Variants in TBC1D5 observed in about 807,000 individuals in gnomAD.
The protein encoded by TBC1D5 is TBC1 domain family member 5.
TBC1D5 carries 75 observed loss-of-function variants against 100.3 expected under a neutral mutation model. The observed-to-expected ratio is 0.75, with a 90% CI of 0.62 to 0.91. The LOEUF (loss-of-function observed/expected upper bound fraction) is 0.91. TBC1D5 is among the 40% of genes least tolerant of loss of function. The pLI is 0.00. For missense variants in TBC1D5, 910 were observed against 942.4 expected (o/e 0.97, Z 0.45); for synonymous variants, 323 against 325.6 (o/e 0.99, Z 0.09).
At chr3:17,225,340 G>A (rs1441780008) in intron 17 of TBC1D5, among the ~76,000 whole-genome samples, 4 of 150,884 alleles carry the variant, frequency 2.7e-5, no homozygotes, top group African/African-American at 9.8e-5. Flanking sequence ...TCAGGAGGCT[G>A]AGGCACGAGA....
At chr3:17,182,461 A>C (rs781503542) in intron 19 of TBC1D5, among the ~76,000 whole-genome samples, 4 of 152,212 alleles carry the variant, frequency 2.6e-5, no homozygotes, top group Non-Finnish European at 5.9e-5. Flanking sequence ...TGAAAGACCA[A>C]AGTCAGAGCA....
At chr3:17,520,179 A>C (rs2096048032) in intron 2 of TBC1D5, among the ~76,000 whole-genome samples, 2 of 152,228 alleles carry the variant, frequency 1.3e-5, no homozygotes, top group South Asian at 4.1e-4. Context: ...TGATGAGGAA[A>C]CAGGCTTATA....
At chr3:17,200,403 A>G (rs1347884234) in intron 18 of TBC1D5, among the ~76,000 whole-genome samples, 2 of 152,270 alleles carry the variant, frequency 1.3e-5, no homozygotes, top group Non-Finnish European at 2.9e-5. Context: ...ACCTCCTGTC[A>G]GATCAGCAGC....
intron 17 of TBC1D5, among the ~76,000 whole-genome samples, chr3:17,228,334 T>A (rs1269661821): frequency 6.6e-6 from 1 of 152,172 alleles, no homozygotes; most frequent in African/African-American, 2.4e-5. Context: ...CTGTGTGTCC[T>A]AAATGATAAT....
chr3:17,211,421 T>C (rs988482466), intron 18 of TBC1D5, among the ~76,000 whole-genome samples: 2 of 152,250 alleles, frequency 1.3e-5, no homozygotes, highest in Non-Finnish European at 2.9e-5. Context: ...AGTAGGGTGG[T>C]TCACATTGGA....
chr3:17,158,942 T>TGACA (rs1197392134), exon 22 of TBC1D5: 1 of 149,396 alleles, frequency 6.7e-6, no homozygotes, highest in African/African-American at 2.6e-5. Flanking sequence ...CTGAAAACAC[T>TGACA]GACACCTTCC....
chr3:17,733,843 AT>A (rs2076755632), intron 1 of TBC1D5, among the ~76,000 whole-genome samples: 1 of 151,486 alleles, frequency 6.6e-6, no homozygotes, highest in Non-Finnish European at 1.5e-5. Context: ...CTGAAAAGCC[AT>A]TATAATAAAT....
chr3:17,434,831 A>G (rs971136771), intron 3 of TBC1D5, among the ~76,000 whole-genome samples: 3 of 152,090 alleles, frequency 2.0e-5, no homozygotes, highest in Non-Finnish European at 4.4e-5. Flanking sequence ...TCCCCCTACT[A>G]CATTGTCATC....
exon 17 of TBC1D5, chr3:17,238,405 C>G: frequency 6.2e-7 from 1 of 1,612,350 alleles, no homozygotes. Flanking sequence ...CAGGGGAGCA[C>G]CTTTGGCATT....
chr3:17,352,470 TTACTC>T (rs987011190), intron 13 of TBC1D5, among the ~76,000 whole-genome samples: 21 of 152,002 alleles, frequency 1.4e-4, no homozygotes, highest in African/African-American at 4.6e-4. Context: ...AAAATGTTCT[TTACTC>T]TATCCCACAC....
chr3:17,339,109 T>C (rs779263419), intron 13 of TBC1D5, among the ~76,000 whole-genome samples: 5 of 152,218 alleles, frequency 3.3e-5, no homozygotes, highest in Admixed American at 1.3e-4. Flanking sequence ...AGTGCAATTG[T>C]GGTTGTCTGA....
At chr3:17,336,643 C>A (rs2087862285) in intron 13 of TBC1D5, among the ~76,000 whole-genome samples, 1 of 151,782 alleles carries the variant, frequency 6.6e-6, no homozygotes, top group Non-Finnish European at 1.5e-5. Flanking sequence ...CCCCAGCAAC[C>A]TGGAATTAAA....
At chr3:17,383,674 G>C (rs1283175915) in intron 9 of TBC1D5, among the ~76,000 whole-genome samples, 4 of 151,974 alleles carry the variant, frequency 2.6e-5, no homozygotes, top group African/African-American at 9.7e-5. Context: ...GAAGTTGAAA[G>C]AAAAGATTGA....
At chr3:17,307,809 T>C (rs945841209) in intron 14 of TBC1D5, among the ~76,000 whole-genome samples, 183 bp downstream of exon 14, 1 of 152,332 alleles carries the variant, frequency 6.6e-6, no homozygotes, top group African/African-American at 2.4e-5. Flanking sequence ...TCCCAATGTG[T>C]ACACAGTTAA....
intron 3 of TBC1D5, among the ~76,000 whole-genome samples, chr3:17,494,358 A>G (rs1012905556): frequency 2.6e-5 from 4 of 151,924 alleles, no homozygotes; most frequent in Non-Finnish European, 5.9e-5. Flanking sequence ...GTGTCTGGTG[A>G]CTCCTGTTGG....
At chr3:17,312,171 C>T (rs2084106290) in intron 13 of TBC1D5, among the ~76,000 whole-genome samples, 1 of 152,006 alleles carries the variant, frequency 6.6e-6, no homozygotes, top group Admixed American at 6.6e-5. Flanking sequence ...CAAGTAAACA[C>T]TGAATTCATT....
intron 9 of TBC1D5, among the ~76,000 whole-genome samples, chr3:17,383,491 T>C (rs1473879559): frequency 1.3e-5 from 2 of 152,000 alleles, no homozygotes; most frequent in Non-Finnish European, 2.9e-5. Context: ...TAAAGAAACT[T>C]TCTGAAGTTC....
intron 8 of TBC1D5, among the ~76,000 whole-genome samples, chr3:17,400,181 C>T (rs1039755737): frequency 6.6e-6 from 1 of 152,040 alleles, no homozygotes; most frequent in Admixed American, 6.6e-5. Context: ...GTGCAAAGGG[C>T]AATTATGGAA....
intron 2 of TBC1D5, among the ~76,000 whole-genome samples, chr3:17,595,613 A>T (rs2060512354): frequency 6.6e-6 from 1 of 152,204 alleles, no homozygotes; most frequent in Admixed American, 6.5e-5. Flanking sequence ...TCTTCACAGT[A>T]ATCTTAAAAT....
Sources: allele counts gnomAD v4.1 joint callset (sites outside exome capture counted in the v4.1 genomes callset), GRCh38; gene constraint gnomAD v4.1.1; transcripts MANE v1.5; gene names NCBI Gene and HGNC (gene_info 2026-07-23, HGNC 2026-07-21).